KCNQ5: variants seen among roughly 807,000 people sequenced by gnomAD.
The protein encoded by KCNQ5 is potassium voltage-gated channel subfamily Q member 5.
Under a neutral mutation model 98.2 loss-of-function variants are expected in KCNQ5, and 30 were observed. That is an observed-to-expected ratio of 0.31 (90% CI 0.23 to 0.41). The LOEUF is 0.41. Ranked by LOEUF, KCNQ5 falls within the 10% of genes least tolerant of loss-of-function variation. The pLI is 1.00. For synonymous variants in KCNQ5, 458 were observed against 449.4 expected, an observed-to-expected ratio of 1.02 and a Z score of -0.24; for missense variants, 835 against 1,182.5, an observed-to-expected ratio of 0.71 and a Z score of 4.31.
At chr6:72,648,105 A>G (rs1765690310) in intron 1 of KCNQ5, among the ~76,000 whole-genome samples, 1 of 152,136 alleles carries the variant, frequency 6.6e-6, no homozygotes, top group South Asian at 2.1e-4. Context: ...ATTAAGTTTG[A>G]TAATTATTTA....
chr6:72,918,495 T>C (rs188077277), intron 1 of KCNQ5, among the ~76,000 whole-genome samples: 45 of 152,024 alleles, frequency 3.0e-4, no homozygotes, highest in Admixed American at 3.9e-4. Flanking sequence ...GAGAGGTCTT[T>C]ATATGAGGAA....
At chr6:73,045,654 T>C (rs1198411850) in intron 3 of KCNQ5, among the ~76,000 whole-genome samples, 1 of 152,194 alleles carries the variant, frequency 6.6e-6, no homozygotes, top group African/African-American at 2.4e-5. Context: ...ACTGATTTCA[T>C]AGTCATTCTT....
intron 1 of KCNQ5, among the ~76,000 whole-genome samples, chr6:72,800,392 G>A (rs1213430645): frequency 1.3e-5 from 2 of 152,166 alleles, no homozygotes; most frequent in Non-Finnish European, 1.5e-5. Context: ...ATTTCTTCTA[G>A]ATTTTCTAGT....
chr6:72,665,341 CAAAAA>C (rs57257881), intron 1 of KCNQ5, among the ~76,000 whole-genome samples: 3 of 112,978 alleles, frequency 2.7e-5, no homozygotes, highest in South Asian at 3.0e-4. Flanking sequence ...AATACCCTGT[CAAAAA>C]AAAAAAAAAA....
chr6:72,647,781 T>C (rs570586736), intron 1 of KCNQ5, among the ~76,000 whole-genome samples: 27 of 152,290 alleles, frequency 1.8e-4, no homozygotes, highest in African/African-American at 5.1e-4. Flanking sequence ...TGGGAATGAC[T>C]CCCCCATTAG....
At chr6:72,941,528 CTCCTT>C (rs1766280006) in intron 1 of KCNQ5, among the ~76,000 whole-genome samples, 1 of 121,234 alleles carries the variant, frequency 8.2e-6, no homozygotes, top group Non-Finnish European at 1.8e-5. Context: ...TCCTTCCTTC[CTCCTT>C]CCCTCCTTCC....
intron 10 of KCNQ5, among the ~76,000 whole-genome samples, chr6:73,158,587 T>C (rs1350470008): frequency 6.6e-6 from 1 of 152,150 alleles, no homozygotes; most frequent in Non-Finnish European, 1.5e-5. Context: ...TTTTCTTCAT[T>C]CTGTTTTCCT....
intron 1 of KCNQ5, among the ~76,000 whole-genome samples, chr6:72,719,063 T>C (rs75672660): frequency 0.013 from 2,031 of 152,318 alleles, 34 homozygotes; most frequent in African/African-American, 0.042. Context: ...GAGAATCTCC[T>C]ATTTGTTGGG....
chr6:72,870,564 T>C (rs1477887175), intron 1 of KCNQ5, among the ~76,000 whole-genome samples: 1 of 152,134 alleles, frequency 6.6e-6, no homozygotes, highest in Non-Finnish European at 1.5e-5. Flanking sequence ...TGGCATATTT[T>C]ATGTCTCTTC....
chr6:73,137,521 A>T (rs1776521000), intron 10 of KCNQ5, among the ~76,000 whole-genome samples: 1 of 152,234 alleles, frequency 6.6e-6, no homozygotes, highest in Non-Finnish European at 1.5e-5. Context: ...CTCTTCACAT[A>T]ATTTTAGAAA....
intron 1 of KCNQ5, among the ~76,000 whole-genome samples, chr6:72,652,786 A>G (rs898254261): frequency 6.6e-6 from 1 of 152,068 alleles, no homozygotes; most frequent in African/African-American, 2.4e-5. Context: ...ACCCAATCCT[A>G]GTCAAAGGAC....
In KCNQ5 at chr6:72,924,976, A is replaced by T. The variant is rs183585946; in HGVS notation, c.399-78932A>T. Among the ~76,000 whole-genome samples, 47 of 152,330 alleles carry T rather than the reference A, an allele frequency of 3.1e-4. 1 individual carries two copies. The highest frequency in any genetic ancestry group is 3.0e-3 in the Admixed American group (46 of 15,298). On this transcript the variant is annotated intron_variant, in intron 1 of 13. Transcript: ENST00000370398. ...TCTCAAAAATTTATCATTTTAGGGC[A>T]TGGTTTTCTTAATCTATTAACCATT...
intron 1 of KCNQ5, among the ~76,000 whole-genome samples, chr6:72,825,242 T>C (rs1177846822): frequency 1.3e-5 from 2 of 152,072 alleles, no homozygotes; most frequent in South Asian, 2.1e-4. Flanking sequence ...CAACATCCAC[T>C]CACCATCCCC....
intron 1 of KCNQ5, among the ~76,000 whole-genome samples, chr6:72,981,701 C>T (rs1768463610): frequency 6.6e-6 from 1 of 152,118 alleles, no homozygotes; most frequent in Admixed American, 6.5e-5. Context: ...CTTCTGCTAG[C>T]TTTTGAATGT....
intron 1 of KCNQ5, among the ~76,000 whole-genome samples, chr6:72,657,996 G>T (rs746256230): frequency 6.6e-6 from 1 of 152,194 alleles, no homozygotes; most frequent in Non-Finnish European, 1.5e-5. Flanking sequence ...TTAGATTCAA[G>T]TGAGTCATAG....
chr6:73,015,891 T>G (rs1425380387), intron 2 of KCNQ5, among the ~76,000 whole-genome samples: 1 of 152,168 alleles, frequency 6.6e-6, no homozygotes, highest in Non-Finnish European at 1.5e-5. Flanking sequence ...GAAATAAACT[T>G]TCTTTCCTCT....
chr6:72,939,118 C>T (rs1462464947), intron 1 of KCNQ5, among the ~76,000 whole-genome samples: 1 of 152,154 alleles, frequency 6.6e-6, no homozygotes, highest in Non-Finnish European at 1.5e-5. Flanking sequence ...ATTTGATGTT[C>T]GTTGAGCATT....
At chr6:73,087,750 C>T (rs924386973) in intron 5 of KCNQ5, among the ~76,000 whole-genome samples, 3 of 152,098 alleles carry the variant, frequency 2.0e-5, no homozygotes, top group Non-Finnish European at 1.5e-5. Context: ...CCAAGGAATA[C>T]AAAGAGAAAA....
At chr6:72,759,445 T>C (rs1258939807) in intron 1 of KCNQ5, among the ~76,000 whole-genome samples, 3 of 152,176 alleles carry the variant, frequency 2.0e-5, no homozygotes, top group African/African-American at 7.2e-5. Flanking sequence ...ACAATAATGG[T>C]CTGCCTCTTC....
Sources: gnomAD v4.1 joint callset for allele counts (sites outside exome capture counted in the v4.1 genomes callset) on GRCh38, gnomAD v4.1.1 for gene constraint, MANE v1.5 for transcripts, NCBI Gene and HGNC (gene_info 2026-07-23, HGNC 2026-07-21) for gene names.